GABRB1: variants seen among roughly 807,000 people sequenced by gnomAD.
GABRB1 encodes the protein gamma-aminobutyric acid receptor subunit beta-1.
GABRB1 carries 17 observed loss-of-function variants against 51.6 expected under a neutral mutation model. The observed-to-expected ratio is 0.33, with a 90% CI of 0.23 to 0.49. GABRB1 has a LOEUF of 0.49. GABRB1 is among the 20% of genes least tolerant of loss of function. The probability of loss-of-function intolerance (pLI) is 0.99; values close to 1 mark genes in which losing one functional copy is unlikely to be tolerated. For synonymous variants in GABRB1, 247 were observed against 218.9 expected (o/e 1.13, Z -1.14); for missense variants, 410 against 600.6 (o/e 0.68, Z 3.32).
At chr4:47,393,661 A>G (rs907427437) in intron 5 of GABRB1, among the ~76,000 whole-genome samples, 4 of 152,238 alleles carry the variant, frequency 2.6e-5, no homozygotes, top group African/African-American at 9.6e-5. Context: ...TTCCATTGAC[A>G]TCATCCAACC....
intron 4 of GABRB1, among the ~76,000 whole-genome samples, chr4:47,212,025 A>C (rs1720376562): frequency 6.6e-6 from 1 of 152,178 alleles, no homozygotes; most frequent in Non-Finnish European, 1.5e-5. Flanking sequence ...TCTGAGGATT[A>C]GGACAAGGAT....
intron 3 of GABRB1, among the ~76,000 whole-genome samples, chr4:47,067,726 T>C (rs946259099): frequency 6.6e-6 from 1 of 152,104 alleles, no homozygotes; most frequent in African/African-American, 2.4e-5. Context: ...TATTTATTTA[T>C]TTTTTCCTTT....
intron 5 of GABRB1, among the ~76,000 whole-genome samples, chr4:47,350,456 C>T (rs1726285878): frequency 6.6e-6 from 1 of 151,588 alleles, no homozygotes; most frequent in African/African-American, 2.4e-5. Context: ...CTAGCTTTGC[C>T]ACTTATGCGG....
chr4:47,259,552 A>G (rs1722344056), intron 4 of GABRB1, among the ~76,000 whole-genome samples: 1 of 152,144 alleles, frequency 6.6e-6, no homozygotes, highest in Non-Finnish European at 1.5e-5. Flanking sequence ...TAATTATCTC[A>G]TTCAGTCTGC....
At chr4:47,182,351 T>G (rs527464081) in intron 4 of GABRB1, among the ~76,000 whole-genome samples, 14 of 151,966 alleles carry the variant, frequency 9.2e-5, no homozygotes, top group Non-Finnish European at 1.9e-4. Flanking sequence ...AGAAAAAAGG[T>G]ATGACATTCA....
At chr4:47,007,895 A>ATATATATATATAT (rs375965914) in intron 1 of GABRB1, among the ~76,000 whole-genome samples, 478 of 17,418 alleles carry the variant, frequency 0.027, 22 homozygotes, top group African/African-American at 0.07. Flanking sequence ...TATATATATA[A>ATATATATATATAT]AATCAAGTTT....
At chr4:47,258,105 C>T (rs1442091) in intron 4 of GABRB1, among the ~76,000 whole-genome samples, 28,994 of 151,942 alleles carry the variant, frequency 0.19, 2,877 homozygotes, top group East Asian at 0.24. Context: ...TCATGTTCAC[C>T]TCCTCTTCAG....
Position 47,140,763 on chromosome 4 carries a change from G to GT in GABRB1, c.241-20474dup, listed in dbSNP as rs201968497. ...CCTGTGTGGTTAAGAGTTGTTTTTT[G>GT]TTTTTTTTTTTTCCTAAAAGACCAG... On this transcript the variant is annotated intron_variant, in intron 3 of 8. Transcript: ENST00000295454. Among the ~76,000 whole-genome samples the GT allele has an allele frequency of 9.2e-3, 1,234 of 134,084 alleles. 12 individuals carry two copies. Among genetic ancestry groups the GT allele is most frequent in the East Asian group, 0.022 (100 of 4,470 alleles). 88.0% of individuals were successfully genotyped at this position (134,084 alleles called of 152,430 possible). A position where few individuals can be genotyped will look rare whatever the true frequency, so the allele number is the denominator to read the frequency against.
At chr4:47,315,354 G>A (rs943826336) in intron 4 of GABRB1, among the ~76,000 whole-genome samples, 1 of 151,812 alleles carries the variant, frequency 6.6e-6, no homozygotes. Flanking sequence ...CAGTCAGAAT[G>A]GCTATTATTA....
At chr4:47,296,641 C>T (rs546820574) in intron 4 of GABRB1, among the ~76,000 whole-genome samples, 1 of 152,194 alleles carries the variant, frequency 6.6e-6, no homozygotes, top group African/African-American at 2.4e-5. Flanking sequence ...GAGACTTAGA[C>T]TCCCACACAA....
chr4:47,386,113 C>G (rs1045065165), intron 5 of GABRB1, among the ~76,000 whole-genome samples: 18 of 152,284 alleles, frequency 1.2e-4, no homozygotes, highest in Admixed American at 1.0e-3. Flanking sequence ...CTTTTCTCTG[C>G]TCTCTGGAGG....
chr4:47,283,694 G>T (rs1181802535), intron 4 of GABRB1, among the ~76,000 whole-genome samples: 1 of 151,734 alleles, frequency 6.6e-6, no homozygotes, highest in Non-Finnish European at 1.5e-5. Context: ...GGCCTCTGGG[G>T]GCTACTTTTT....
intron 4 of GABRB1, among the ~76,000 whole-genome samples, chr4:47,306,061 T>G (rs1010053592): frequency 1.3e-5 from 2 of 152,050 alleles, no homozygotes; most frequent in African/African-American, 4.8e-5. Flanking sequence ...TTTATCTGTT[T>G]GTCTAAGGAT....
chr4:47,384,265 T>A (rs1727700253), intron 5 of GABRB1, among the ~76,000 whole-genome samples: 1 of 152,074 alleles, frequency 6.6e-6, no homozygotes, highest in Non-Finnish European at 1.5e-5. Flanking sequence ...ATTTTTCTCT[T>A]AACAACATAC....
intron 4 of GABRB1, among the ~76,000 whole-genome samples, chr4:47,200,345 G>A (rs958719661): frequency 6.6e-6 from 1 of 152,190 alleles, no homozygotes; most frequent in African/African-American, 2.4e-5. Flanking sequence ...TAGGGCAGTT[G>A]ACAAGGTCAT....
chr4:46,994,740 C>A (rs904912044), intron 1 of GABRB1, among the ~76,000 whole-genome samples: 6 of 152,106 alleles, frequency 3.9e-5, no homozygotes, highest in Non-Finnish European at 7.4e-5. Flanking sequence ...AGTAATGATG[C>A]ATGTGGAAAT....
chr4:47,253,496 T>C (rs902871992), intron 4 of GABRB1, among the ~76,000 whole-genome samples: 3 of 152,220 alleles, frequency 2.0e-5, no homozygotes, highest in African/African-American at 7.2e-5. Flanking sequence ...CCATGATGTC[T>C]TCTTTGTAAT....
rs1725451379 is a variant in GABRB1 at position 47,034,108 on chromosome 4, C to A, written c.240+1624C>A. Among the ~76,000 whole-genome samples, 3 of 152,220 alleles carry A rather than the reference C, an allele frequency of 2.0e-5. No individual in the cohort carries two copies. In the South Asian group the frequency reaches 6.2e-4, roughly 32 times the overall value. ...CCTTTTCAATCATTTCCTTTGGTAT[C>A]TTGTAAGCATCCACAGATAATTGAT... is the stretch of plus-strand genomic sequence containing the variant. On this transcript the variant is annotated intron_variant, in intron 3 of 8. Transcript: ENST00000295454.
At chr4:47,163,999 G>A (rs1718067559) in intron 4 of GABRB1, among the ~76,000 whole-genome samples, 1 of 152,026 alleles carries the variant, frequency 6.6e-6, no homozygotes, top group Admixed American at 6.6e-5. Context: ...AGAAGAGGAA[G>A]CAGGCATGTC....
Sources: allele counts gnomAD v4.1 joint callset (sites outside exome capture counted in the v4.1 genomes callset), GRCh38; gene constraint gnomAD v4.1.1; transcripts MANE v1.5; gene names NCBI Gene and HGNC (gene_info 2026-07-23, HGNC 2026-07-21).